Variants in ATP6V0A1 observed in about 807,000 individuals in gnomAD.
ATP6V0A1 encodes the protein ATPase H+ transporting V0 subunit a1.
Under a neutral mutation model 105.4 loss-of-function variants are expected in ATP6V0A1, and 43 were observed. That is an observed-to-expected ratio of 0.41 (90% CI 0.32 to 0.53). The LOEUF (loss-of-function observed/expected upper bound fraction) is 0.53, where lower values mean the gene tolerates loss of function less well. Among genes scored for constraint, ATP6V0A1 ranks in the 20% least tolerant of loss-of-function variants. The pLI is 0.30. For missense variants in ATP6V0A1, 676 were observed against 1,051.1 expected, an observed-to-expected ratio of 0.64 and a Z score of 4.93; for synonymous variants, 362 against 372.8, an observed-to-expected ratio of 0.97 and a Z score of 0.33.
chr17:42,496,061 CAAAAAAA>C (rs11352520), intron 14 of ATP6V0A1: 2 of 97,232 alleles, frequency 2.1e-5, no homozygotes, highest in South Asian at 6.6e-4. Flanking sequence ...GACTCCGTCT[CAAAAAAA>C]AAAAAAAAAA....
At chr17:42,462,265 T>A (rs1352046911) in intron 2 of ATP6V0A1, among the ~76,000 whole-genome samples, 1 of 151,812 alleles carries the variant, frequency 6.6e-6, no homozygotes, top group African/African-American at 2.4e-5. Context: ...TGACCACCTA[T>A]GTTTCTACTA....
intron 9 of ATP6V0A1, among the ~76,000 whole-genome samples, chr17:42,483,481 C>T (rs2089772760): frequency 1.3e-5 from 2 of 152,024 alleles, no homozygotes; most frequent in South Asian, 4.1e-4. Context: ...TGTCTCAGCT[C>T]ACTGCAACCT....
chr17:42,475,668 A>C (rs2088637475), intron 5 of ATP6V0A1, among the ~76,000 whole-genome samples: 1 of 152,180 alleles, frequency 6.6e-6, no homozygotes, highest in African/African-American at 2.4e-5. Flanking sequence ...ACATGGTTTT[A>C]GATACTGCTT....
chr17:42,472,879 C>T (rs1326011658), intron 5 of ATP6V0A1, among the ~76,000 whole-genome samples: 1 of 152,112 alleles, frequency 6.6e-6, no homozygotes, highest in Non-Finnish European at 1.5e-5. Context: ...TTATCAGTCT[C>T]CACCCTAGAC....
intron 13 of ATP6V0A1, among the ~76,000 whole-genome samples, 189 bp downstream of exon 13, chr17:42,495,377 T>C (rs1465554700): frequency 1.3e-5 from 2 of 152,194 alleles, no homozygotes; most frequent in African/African-American, 4.8e-5. Context: ...AAATGATTTT[T>C]TTTTTTTTTG....
At chr17:42,467,573 C>A (rs1040005419) in intron 3 of ATP6V0A1, among the ~76,000 whole-genome samples, 6 of 152,272 alleles carry the variant, frequency 3.9e-5, no homozygotes, top group African/African-American at 1.2e-4. Flanking sequence ...ATTTAATGAA[C>A]CCCTTTAGAT....
intron 17 of ATP6V0A1, among the ~76,000 whole-genome samples, chr17:42,506,718 T>C (rs567928651): frequency 1.3e-5 from 2 of 152,314 alleles, no homozygotes; most frequent in South Asian, 4.1e-4. Flanking sequence ...CCAAAGAGTC[T>C]TTTTTGCTTT....
intron 7 of ATP6V0A1, chr17:42,478,833 T>G (rs2089128903): frequency 4.5e-6 from 1 of 223,428 alleles, no homozygotes; most frequent in Non-Finnish European, 8.3e-6. Context: ...TTATTCTGAT[T>G]GGAAATTTTT....
chr17:42,483,374 T>C (rs1222265541), intron 9 of ATP6V0A1, among the ~76,000 whole-genome samples: 1 of 152,032 alleles, frequency 6.6e-6, no homozygotes, highest in Non-Finnish European at 1.5e-5. Context: ...CGTTGTTGCC[T>C]AGCATATTCA....
chr17:42,467,746 C>A (rs1406094805), intron 3 of ATP6V0A1, among the ~76,000 whole-genome samples: 1 of 151,794 alleles, frequency 6.6e-6, no homozygotes, highest in Non-Finnish European at 1.5e-5. Flanking sequence ...AGTGTTAAGA[C>A]CTGAAGAAGG....
rs748693129 is a variant in ATP6V0A1 at position 42,480,695 on chromosome 17, T to C, written c.662T>C (p.Ile221Thr). The C allele has an allele frequency of 6.2e-7, 1 of 1,613,924 alleles. No individual in the cohort carries two copies. The highest frequency in any genetic ancestry group is 8.5e-7 in the Non-Finnish European group (1 of 1,179,920). The change falls in exon 8 of 22, where the codon ATC becomes ACC. Residue 221 changes from isoleucine (I) to threonine (T), a missense_variant. Physicochemically the swap from Ile to Thr is moderately conservative, Grantham distance 89 (BLOSUM62 -1). Coordinates refer to ENST00000343619, the MANE Select transcript of ATP6V0A1 (RefSeq NM_001130021.3). ...GACTACGTGCACAAGTCTGTGTTTA[T>C]CATTTTCTTCCAAGGCGATCAGCTG... ...TGDYVHKSVF[I>T]IFFQGDQLKN...
At chr17:42,495,271 C>A in intron 13 of ATP6V0A1, 83 bp downstream of exon 13, 1 of 1,449,620 alleles carries the variant, frequency 6.9e-7, no homozygotes, top group Non-Finnish European at 9.5e-7. Context: ...TAAACTGACA[C>A]TTCTTTAGGA....
chr17:42,495,949 G>A (rs1383993943), intron 14 of ATP6V0A1: 3 of 378,272 alleles, frequency 7.9e-6, no homozygotes, highest in Admixed American at 4.2e-5. Context: ...GCGCATGCCT[G>A]TAGTCCCAGC....
chr17:42,519,892 G>A (rs755037421), intron 21 of ATP6V0A1: 2 of 153,124 alleles, frequency 1.3e-5, no homozygotes, highest in Non-Finnish European at 2.9e-5. Flanking sequence ...CTGCACCCCA[G>A]TGAAGGGGCC....
intron 19 of ATP6V0A1, among the ~76,000 whole-genome samples, chr17:42,512,583 A>C (rs1168225395): frequency 6.6e-6 from 1 of 152,174 alleles, no homozygotes; most frequent in Non-Finnish European, 1.5e-5. Context: ...GCCCAGAAAT[A>C]GGCTAGGTGT....
chr17:42,514,047 CT>C (rs1162780431), intron 20 of ATP6V0A1, 69 bp downstream of exon 20: 4 of 1,500,218 alleles, frequency 2.7e-6, no homozygotes, highest in Non-Finnish European at 3.7e-6. Context: ...AGTTGGGGGG[CT>C]TAAGTCAAAT....
rs2092848036 is a variant in ATP6V0A1, at chr17:42,522,250, T to C, written c.*1130T>C. On this transcript the variant is annotated 3_prime_UTR_variant, in exon 22 of 22. Coordinates refer to ENST00000343619, the MANE Select transcript of ATP6V0A1 (RefSeq NM_001130021.3). Reference sequence around the variant, plus strand: ...CGTGTGCTGGCGTGGCAGCCCTGGCTAAGTTAATCCCCACCGCTTTCAGTG... The same window carrying C: ...CGTGTGCTGGCGTGGCAGCCCTGGCCAAGTTAATCCCCACCGCTTTCAGTG... 1 of 152,470 alleles carries C rather than the reference T, an allele frequency of 6.6e-6. No individual in the cohort carries two copies. The highest frequency in any genetic ancestry group is 2.1e-4 in the South Asian group (1 of 4,840). The allele number at this position is 152,470 out of a possible 1,614,324, so 9.4% of individuals were successfully genotyped here.
At chr17:42,491,066 C>T (rs537764978) in intron 11 of ATP6V0A1, among the ~76,000 whole-genome samples, 11 of 151,844 alleles carry the variant, frequency 7.2e-5, no homozygotes, top group Admixed American at 7.2e-4. Context: ...GCTATGTTGC[C>T]CAGGCTGATA....
At position 42,521,164 on chromosome 17, in the gene ATP6V0A1, C is replaced by T; in HGVS notation, c.*44C>T. 1 of 1,507,770 alleles carries T rather than the reference C, an allele frequency of 6.6e-7. No individual in the cohort carries two copies. The highest frequency in any genetic ancestry group is 9.0e-7 in the Non-Finnish European group (1 of 1,106,176). The allele number at this position is 1,507,770 out of a possible 1,614,324, so 93.4% of individuals were successfully genotyped here. On this transcript the variant is annotated 3_prime_UTR_variant, in exon 22 of 22. Transcript: ENST00000343619. This position sits in a 1 kb window ranked among gnomAD's most constrained non-coding sequence, Gnocchi z 4.8. ...TGCCCCATGCTACCCTCCCCGCCTC[C>T]CTCCACAGTGATCAGCTGTGCCTCT...
Sources: allele counts gnomAD v4.1 joint callset (sites outside exome capture counted in the v4.1 genomes callset), GRCh38; gene constraint gnomAD v4.1.1; non-coding constraint Gnocchi (gnomAD v3.1); transcripts MANE v1.5; gene names NCBI Gene and HGNC (gene_info 2026-07-23, HGNC 2026-07-21).